The following CEP85L variants were observed in gnomAD, a reference collection of about 807,000 sequenced individuals.
The protein encoded by CEP85L is centrosomal protein of 85 kDa-like.
In CEP85L, 60 loss-of-function variants were observed where a neutral mutation model predicts 100.3. The ratio of observed to expected loss-of-function variants is 0.60; its 90% confidence interval spans 0.49 to 0.74. The LOEUF is 0.74. Ranked by LOEUF, CEP85L falls within the 30% of genes least tolerant of loss-of-function variation. CEP85L has a pLI of 0.00. For missense variants in CEP85L, 973 were observed against 936.2 expected (o/e 1.04, Z -0.51); for synonymous variants, 319 against 322.7 (o/e 0.99, Z 0.12).
chr6:118,678,631 T>C (rs1265989428), intron 1 of CEP85L, among the ~76,000 whole-genome samples: 1 of 152,256 alleles, frequency 6.6e-6, no homozygotes, highest in African/African-American at 2.4e-5. Flanking sequence ...ATATAAATCA[T>C]TGCTTTATCC....
chr6:118,510,014 A>C (rs934862988), intron 5 of CEP85L, among the ~76,000 whole-genome samples: 4 of 152,074 alleles, frequency 2.6e-5, no homozygotes, highest in Non-Finnish European at 5.9e-5. Context: ...TGGCGTAGAC[A>C]CTGTCTTACC....
intron 6 of CEP85L, among the ~76,000 whole-genome samples, chr6:118,490,443 C>A (rs554140373): frequency 6.6e-6 from 1 of 152,224 alleles, no homozygotes; most frequent in African/African-American, 2.4e-5. Flanking sequence ...AAGTCCTTTG[C>A]GCTATCAAGA....
chr6:118,631,922 A>C (rs1211920023), intron 2 of CEP85L, among the ~76,000 whole-genome samples: 5 of 152,228 alleles, frequency 3.3e-5, no homozygotes, highest in African/African-American at 1.2e-4. Context: ...AACTGTATAT[A>C]AATCTATAAT....
chr6:118,651,878 C>T, upstream of CEP85L: 2 of 985,450 alleles, frequency 2.0e-6, no homozygotes, highest in East Asian at 1.1e-4. Flanking sequence ...TTGGGTAATC[C>T]CTCACGCCCT....
intron 1 of CEP85L, among the ~76,000 whole-genome samples, chr6:118,675,127 G>A (rs1009898390): frequency 5.9e-5 from 9 of 151,546 alleles, no homozygotes; most frequent in African/African-American, 1.9e-4. Flanking sequence ...CACATACAAG[G>A]GCATATTATT....
rs1157478306 is a variant in CEP85L, at chr6:118,502,355, A to G, written c.1257+8943T>C. On this transcript the variant is annotated intron_variant, in intron 5 of 12. Coordinates refer to ENST00000368491, the MANE Select transcript of CEP85L (RefSeq NM_001042475.3). ...ACCATGAGTTTCTGGCCCCATGCCA[A>G]GATTACCCATATGTTAAGACAGATA... The G allele has an allele frequency of 7.6e-6, 4 of 528,662 alleles. No homozygotes were observed. The Admixed American group carries it at 1.1e-4, about 15-fold the overall frequency. The allele number at this position is 528,662 out of a possible 1,614,324, so 32.7% of individuals were successfully genotyped here.
At chr6:118,586,860 T>C (rs974955686) in intron 2 of CEP85L, among the ~76,000 whole-genome samples, 1 of 152,198 alleles carries the variant, frequency 6.6e-6, no homozygotes, top group African/African-American at 2.4e-5. Flanking sequence ...CTATTTGCAG[T>C]AGAACTATAT....
intron 1 of CEP85L, among the ~76,000 whole-genome samples, chr6:118,639,271 C>T (rs1774710017): frequency 6.6e-6 from 1 of 152,210 alleles, no homozygotes; most frequent in Non-Finnish European, 1.5e-5. Context: ...AATAACTCCA[C>T]TCAAGCCAGC....
chr6:118,662,951 A>C (rs1302932248), intron 1 of CEP85L, among the ~76,000 whole-genome samples: 1 of 152,198 alleles, frequency 6.6e-6, no homozygotes, highest in Non-Finnish European at 1.5e-5. Context: ...CAGGCTTTTA[A>C]TGAAAATGTG....
intron 4 of CEP85L, among the ~76,000 whole-genome samples, chr6:118,519,575 T>C: frequency 4.3e-4 from 1 of 2,300 alleles, no homozygotes; most frequent in African/African-American, 1.4e-3. Flanking sequence ...TGTGTGTGTG[T>C]GTGTGTGGCG....
intron 3 of CEP85L, among the ~76,000 whole-genome samples, chr6:118,529,715 G>A (rs78450193): frequency 6.6e-6 from 1 of 151,034 alleles, no homozygotes; most frequent in South Asian, 2.1e-4. Context: ...CTTTCCCTCT[G>A]ACTATGATGC....
chr6:118,549,989 T>G (rs993318085), intron 3 of CEP85L, among the ~76,000 whole-genome samples: 1 of 151,930 alleles, frequency 6.6e-6, no homozygotes, highest in Non-Finnish European at 1.5e-5. Context: ...TACCTTAAGG[T>G]GCAAGTTAAG....
intron 11 of CEP85L, 64 bp downstream of exon 11, chr6:118,470,473 C>G: frequency 1.1e-6 from 1 of 875,420 alleles, no homozygotes; most frequent in South Asian, 2.1e-5. Flanking sequence ...CTATTAATAT[C>G]TATAAAATAA....
chr6:118,702,478 C>T lies in CEP85L; in HGVS notation c.-28+7558G>A, dbSNP rs543156004. 1.5e-4 allele frequency among the ~76,000 whole-genome samples: 23 copies of T among 152,200 alleles called. No homozygotes were observed. The South Asian group carries it at 4.8e-3, about 32-fold the overall frequency. On this transcript the variant is annotated intron_variant, in intron 1 of 13. Transcript: ENST00000368488. Reference sequence around the variant, plus strand: ...AATGAGCTGTGATTGCACCACTGCACTCCAGCTTGGGTAACAGAGGGAGAC... The same window carrying T: ...AATGAGCTGTGATTGCACCACTGCATTCCAGCTTGGGTAACAGAGGGAGAC...
chr6:118,628,216 C>A (rs1260416979), intron 2 of CEP85L, among the ~76,000 whole-genome samples: 1 of 152,046 alleles, frequency 6.6e-6, no homozygotes, highest in Non-Finnish European at 1.5e-5. Flanking sequence ...AGCTTCAGGA[C>A]TAGACTCAAA....
At chr6:118,533,685 T>C (rs531565039) in intron 3 of CEP85L, among the ~76,000 whole-genome samples, 63 of 152,186 alleles carry the variant, frequency 4.1e-4, no homozygotes, top group African/African-American at 1.4e-3. Flanking sequence ...ATCATGAACA[T>C]AGATACAAAA....
At chr6:118,624,347 GACC>G (rs2115289710) in intron 2 of CEP85L, among the ~76,000 whole-genome samples, 1 of 152,140 alleles carries the variant, frequency 6.6e-6, no homozygotes, top group African/African-American at 2.4e-5. Flanking sequence ...CAAAAATCCT[GACC>G]ACATCAACCT....
intron 2 of CEP85L, among the ~76,000 whole-genome samples, chr6:118,593,126 T>C (rs1446102941): frequency 1.3e-5 from 2 of 152,160 alleles, no homozygotes; most frequent in African/African-American, 4.8e-5. Context: ...CTGGGAAGTT[T>C]TCATATTGTC....
chr6:118,640,448 T>G (rs142679197), intron 1 of CEP85L, among the ~76,000 whole-genome samples: 61 of 152,280 alleles, frequency 4.0e-4, no homozygotes, highest in Non-Finnish European at 7.1e-4. Context: ...TTTCTTCATA[T>G]GTAAGAGAAG....
Sources: allele counts gnomAD v4.1 joint callset (sites outside exome capture counted in the v4.1 genomes callset), GRCh38; gene constraint gnomAD v4.1.1; transcripts MANE v1.5; gene names NCBI Gene and HGNC (gene_info 2026-07-23, HGNC 2026-07-21).